GLRB: variants seen among roughly 807,000 people sequenced by gnomAD.
GLRB encodes glycine receptor beta.
GLRB carries 33 observed loss-of-function variants against 54.2 expected under a neutral mutation model. The ratio of observed to expected loss-of-function variants is 0.61; its 90% CI spans 0.46 to 0.81. The LOEUF (loss-of-function observed/expected upper bound fraction) is 0.81, where lower values mean the gene tolerates loss of function less well. Ranked by LOEUF, GLRB falls within the 40% of genes least tolerant of loss-of-function variation. The probability of loss-of-function intolerance (pLI) is 0.00; values close to 1 mark genes in which losing one functional copy is unlikely to be tolerated. For missense variants in GLRB, 572 were observed against 584.6 expected (o/e 0.98, Z 0.22); for synonymous variants, 209 against 208.2 (o/e 1.00, Z -0.03).
At position 157,143,636 on chromosome 4, in the gene GLRB, C is replaced by G. The variant is rs558751253; in HGVS notation, c.752-171C>G. 9.8e-4 allele frequency among the ~76,000 whole-genome samples: 149 copies of G among 152,212 alleles called. 1 individual carries two copies. The highest frequency in any genetic ancestry group is 6.8e-3 in the Middle Eastern group (2 of 294). On this transcript the variant is annotated intron_variant, in intron 7 of 9. Transcript: ENST00000264428. Reference sequence around the variant, plus strand: ...GCTGAAACTGGTTCCATAATGTCACCCTTTTAGATCACATAAATTATATAT... The same window carrying G: ...GCTGAAACTGGTTCCATAATGTCACGCTTTTAGATCACATAAATTATATAT...
intron 2 of GLRB, among the ~76,000 whole-genome samples, chr4:157,120,196 A>G (rs1207211522): frequency 7.4e-6 from 1 of 134,292 alleles, no homozygotes; most frequent in Non-Finnish European, 1.5e-5. Context: ...GAACATATGG[A>G]CACAGGAAGG....
At chr4:157,167,284 G>C (rs1328432960) in intron 9 of GLRB, among the ~76,000 whole-genome samples, 1 of 152,188 alleles carries the variant, frequency 6.6e-6, no homozygotes, top group Non-Finnish European at 1.5e-5. Context: ...GATTTGATAT[G>C]TACAGTCTGT....
At chr4:157,094,884 ATG>A (rs959203713) in intron 2 of GLRB, among the ~76,000 whole-genome samples, 1 of 138,812 alleles carries the variant, frequency 7.2e-6, no homozygotes, top group Non-Finnish European at 1.6e-5. Flanking sequence ...AAATGTGTAC[ATG>A]TTTACCAAAA....
chr4:157,143,508 A>G lies in GLRB; in HGVS notation c.752-299A>G, dbSNP rs140475384. Among the ~76,000 whole-genome samples the G allele has an allele frequency of 4.7e-3, 713 of 152,254 alleles. 9 individuals are homozygous for G. The highest frequency in any genetic ancestry group is 0.016 in the African/African-American group (671 of 41,546). On this transcript the variant is annotated intron_variant, in intron 7 of 9. Transcript: ENST00000264428. ...CACGGGTAAAGAAAAGTTCAACTCT[A>G]TTGCCAATTCTCTGAACAATGACCT...
chr4:157,094,862 A>G (rs1473365849), intron 2 of GLRB, among the ~76,000 whole-genome samples: 1 of 152,050 alleles, frequency 6.6e-6, no homozygotes, highest in Non-Finnish European at 1.5e-5. Flanking sequence ...TAGTGTATAC[A>G]GTACTCAACA....
chr4:157,106,402 A>G (rs1735226038), intron 2 of GLRB, among the ~76,000 whole-genome samples: 1 of 152,068 alleles, frequency 6.6e-6, no homozygotes, highest in Admixed American at 6.6e-5. Context: ...ACAACAAGGA[A>G]TATCTTGAGA....
chr4:157,102,265 T>C (rs569670429), intron 2 of GLRB, among the ~76,000 whole-genome samples: 1 of 152,310 alleles, frequency 6.6e-6, no homozygotes, highest in African/African-American at 2.4e-5. Flanking sequence ...TACAGTACTG[T>C]TAACTATAGG....
intron 2 of GLRB, among the ~76,000 whole-genome samples, chr4:157,082,328 A>G (rs1334560948): frequency 6.6e-6 from 1 of 152,138 alleles, no homozygotes; most frequent in African/African-American, 2.4e-5. Context: ...CATACATAAT[A>G]CAGTATGATA....
rs529585543 is a variant in GLRB, at chr4:157,111,512, G to T, written c.123-9044G>T. Among the ~76,000 whole-genome samples the T allele has an allele frequency of 2.0e-5, 3 of 152,068 alleles. No individual in the cohort carries two copies. In the South Asian group the frequency reaches 6.2e-4, roughly 32 times the overall value. ...CTCATGATTATATTATGCTGTGCTG[G>T]GGTTTTAGGGGTGGGGATTAGGGCT... On this transcript the variant is annotated intron_variant, in intron 2 of 9. Coordinates refer to ENST00000264428, the MANE Select transcript of GLRB (RefSeq NM_000824.5).
intron 2 of GLRB, among the ~76,000 whole-genome samples, chr4:157,118,363 T>C (rs529427265): frequency 6.6e-6 from 1 of 151,686 alleles, no homozygotes; most frequent in African/African-American, 2.4e-5. Flanking sequence ...CATCCTAATA[T>C]CCAATTTTCC....
intron 2 of GLRB, among the ~76,000 whole-genome samples, chr4:157,113,423 A>G (rs1023490563): frequency 1.3e-5 from 2 of 151,900 alleles, no homozygotes; most frequent in African/African-American, 4.8e-5. Flanking sequence ...GAGAATGTAT[A>G]ATGTTTTACA....
chr4:157,126,012 T>G (rs1736004057), intron 4 of GLRB, among the ~76,000 whole-genome samples: 1 of 151,846 alleles, frequency 6.6e-6, no homozygotes, highest in South Asian at 2.1e-4. Context: ...GAAAGCACAA[T>G]GCAGAACACA....
intron 2 of GLRB, among the ~76,000 whole-genome samples, chr4:157,120,265 G>A (rs1005940382): frequency 1.3e-5 from 2 of 149,378 alleles, no homozygotes; most frequent in African/African-American, 4.9e-5. Flanking sequence ...GATAGCTTTA[G>A]GAGATATACC....
At chr4:157,164,541 C>G (rs1169435174) in intron 9 of GLRB, among the ~76,000 whole-genome samples, 1 of 152,146 alleles carries the variant, frequency 6.6e-6, no homozygotes, top group Admixed American at 6.5e-5. Flanking sequence ...TCCTGGTAAT[C>G]CCTACGATCA....
rs777429195 is a variant in GLRB, at chr4:157,143,863, A to T, written c.808A>T (p.Met270Leu). Residue 270 changes from methionine to leucine, a missense_variant, in exon 8 of 10, where the codon ATG (methionine) becomes TTG (leucine). Transcript: ENST00000264428. ...FTLRRQVGFY[M>L]MGVYAPTLLI... ...CCTGAGGAGGCAGGTCGGCTTTTACATGATGGGGGTCTACGCCCCAACTCT... is the reference window on the plus strand; with the variant it reads ...CCTGAGGAGGCAGGTCGGCTTTTACTTGATGGGGGTCTACGCCCCAACTCT... 2.5e-6 allele frequency: 4 copies of T among 1,613,858 alleles called. No homozygotes were observed. The Admixed American group carries it at 6.7e-5, about 27-fold the overall frequency.
intron 9 of GLRB, among the ~76,000 whole-genome samples, chr4:157,154,613 G>C (rs1737156208): frequency 6.6e-6 from 1 of 151,904 alleles, no homozygotes; most frequent in Non-Finnish European, 1.5e-5. Flanking sequence ...TTTCAGTAGA[G>C]ATGGGGTTTC....
chr4:157,110,462 C>T (rs1009854039), intron 2 of GLRB, among the ~76,000 whole-genome samples: 3 of 151,558 alleles, frequency 2.0e-5, no homozygotes, highest in Admixed American at 6.6e-5. Flanking sequence ...TTATTATATT[C>T]TTCAGCTTCA....
intron 2 of GLRB, among the ~76,000 whole-genome samples, chr4:157,080,843 A>T (rs1244310618): frequency 2.6e-5 from 4 of 152,082 alleles, no homozygotes; most frequent in African/African-American, 4.8e-5. Context: ...CATAGACATA[A>T]GCAGTTCATG....
At chr4:157,135,389 A>C (rs1261847998) in intron 4 of GLRB, among the ~76,000 whole-genome samples, 3 of 152,094 alleles carry the variant, frequency 2.0e-5, no homozygotes, top group Admixed American at 6.6e-5. Context: ...GGCATCTTGA[A>C]TTGTAGCTCC....
Sources: gnomAD v4.1 joint callset for allele counts (sites outside exome capture counted in the v4.1 genomes callset) on GRCh38, gnomAD v4.1.1 for gene constraint, MANE v1.5 for transcripts, NCBI Gene and HGNC (gene_info 2026-07-23, HGNC 2026-07-21) for gene names.